SLC10A7: variants seen among roughly 807,000 people sequenced by gnomAD.
SLC10A7 encodes the protein solute carrier family 10 member 7.
A neutral mutation model predicts 43.2 loss-of-function variants in SLC10A7; 29 were observed. The observed-to-expected ratio is 0.67, with a 90% CI of 0.50 to 0.92. SLC10A7 has a LOEUF of 0.92. SLC10A7 is among the 40% of genes least tolerant of loss of function. SLC10A7 has a pLI of 0.00. For synonymous variants in SLC10A7, 152 were observed against 144.8 expected, an observed-to-expected ratio of 1.05 and a Z score of -0.35; for missense variants, 295 against 403.2, an observed-to-expected ratio of 0.73 and a Z score of 2.30.
chr4:146,476,473 T>C (rs1181750176), intron 4 of SLC10A7, among the ~76,000 whole-genome samples: 1 of 152,004 alleles, frequency 6.6e-6, no homozygotes, highest in East Asian at 1.9e-4. Context: ...CAAATGCCCG[T>C]TTAAATTGTG....
At chr4:146,348,736 G>C (rs1378584443) in intron 5 of SLC10A7, among the ~76,000 whole-genome samples, 2 of 151,918 alleles carry the variant, frequency 1.3e-5, no homozygotes, top group Admixed American at 1.3e-4. Flanking sequence ...ACACTTTCTG[G>C]GTAGAATTTT....
intron 10 of SLC10A7, among the ~76,000 whole-genome samples, chr4:146,264,304 T>C (rs887604132): frequency 6.6e-6 from 1 of 152,226 alleles, no homozygotes; most frequent in Admixed American, 6.5e-5. Context: ...CAGTTTTTTA[T>C]TTTTCCTTGA....
At chr4:146,276,876 C>T (rs147232402) in intron 10 of SLC10A7, among the ~76,000 whole-genome samples, 132 of 152,150 alleles carry the variant, frequency 8.7e-4, no homozygotes, top group African/African-American at 2.9e-3. Flanking sequence ...ATGGTTGGAG[C>T]CCAGGAGTTG....
At chr4:146,432,488 C>T (rs1379557951) in intron 5 of SLC10A7, among the ~76,000 whole-genome samples, 2 of 151,982 alleles carry the variant, frequency 1.3e-5, no homozygotes, top group South Asian at 4.2e-4. Context: ...TGATAGACAC[C>T]GTACTCAAAA....
intron 10 of SLC10A7, among the ~76,000 whole-genome samples, chr4:146,261,956 T>TTCTA (rs1362458518): frequency 1.3e-5 from 2 of 152,214 alleles, no homozygotes; most frequent in Non-Finnish European, 2.9e-5. Flanking sequence ...TTTCAGACAA[T>TTCTA]GCATGTCTGA....
At chr4:146,447,835 AAATT>A (rs1204010620) in intron 4 of SLC10A7, among the ~76,000 whole-genome samples, 2 of 152,238 alleles carry the variant, frequency 1.3e-5, no homozygotes, top group East Asian at 3.9e-4. Flanking sequence ...TGTCTTTATT[AAATT>A]ATTTTGGAAA....
chr4:146,316,790 C>A (rs1372835899), intron 6 of SLC10A7, among the ~76,000 whole-genome samples: 2 of 152,004 alleles, frequency 1.3e-5, no homozygotes, highest in African/African-American at 4.8e-5. Context: ...TAGGACTCAG[C>A]CCGTGATTAA....
At chr4:146,272,488 C>T (rs1037596624) in intron 10 of SLC10A7, among the ~76,000 whole-genome samples, 1 of 152,092 alleles carries the variant, frequency 6.6e-6, no homozygotes, top group Non-Finnish European at 1.5e-5. Flanking sequence ...GAAACTGTTA[C>T]CCTTGCTTTG....
chr4:146,341,625 T>C (rs1734269150), intron 5 of SLC10A7, among the ~76,000 whole-genome samples: 1 of 151,782 alleles, frequency 6.6e-6, no homozygotes, highest in Non-Finnish European at 1.5e-5. Flanking sequence ...TCAATGCTAA[T>C]TTACTGAGCA....
intron 5 of SLC10A7, among the ~76,000 whole-genome samples, chr4:146,433,336 T>C (rs34055270): frequency 0.52 from 78,274 of 150,646 alleles, 20,844 homozygotes; most frequent in East Asian, 0.64. Context: ...ACATATTCTC[T>C]GGCTCTTTGA....
intron 5 of SLC10A7, among the ~76,000 whole-genome samples, chr4:146,418,307 C>T (rs1728719345): frequency 6.6e-6 from 1 of 152,144 alleles, no homozygotes; most frequent in South Asian, 2.1e-4. Context: ...TATAGCTCCA[C>T]TTTTGATACA....
chr4:146,397,554 C>T (rs558344482), intron 5 of SLC10A7, among the ~76,000 whole-genome samples: 1 of 152,234 alleles, frequency 6.6e-6, no homozygotes, highest in Non-Finnish European at 1.5e-5. Context: ...GGATTTTTAG[C>T]AGTTGGGGAG....
chr4:146,463,013 G>C (rs534803513), intron 4 of SLC10A7, among the ~76,000 whole-genome samples: 3 of 152,160 alleles, frequency 2.0e-5, no homozygotes, highest in African/African-American at 7.2e-5. Flanking sequence ...CCTTCTACAG[G>C]CACCATTTAT....
At chr4:146,483,827 T>C (rs896908828) in intron 4 of SLC10A7, among the ~76,000 whole-genome samples, 3 of 152,148 alleles carry the variant, frequency 2.0e-5, no homozygotes, top group African/African-American at 7.2e-5. Flanking sequence ...GCTATACTTA[T>C]GTACTTATAT....
chr4:146,320,557 T>C (rs1203270141), intron 6 of SLC10A7, among the ~76,000 whole-genome samples: 3 of 152,028 alleles, frequency 2.0e-5, no homozygotes, highest in Admixed American at 1.3e-4. Context: ...GATGCAGTTA[T>C]GGGCAATAAC....
intron 5 of SLC10A7, among the ~76,000 whole-genome samples, chr4:146,367,660 T>C (rs957270600): frequency 2.0e-5 from 3 of 152,176 alleles, no homozygotes; most frequent in African/African-American, 7.2e-5. Flanking sequence ...ATATAAATTG[T>C]GAGATCTCCC....
intron 6 of SLC10A7, among the ~76,000 whole-genome samples, chr4:146,324,491 T>C (rs1004866646): frequency 2.0e-5 from 3 of 152,184 alleles, no homozygotes; most frequent in Non-Finnish European, 4.4e-5. Flanking sequence ...CCCGCTCTTC[T>C]TAAATGAGTT....
chr4:146,385,415 A>T (rs1737920887), intron 5 of SLC10A7, among the ~76,000 whole-genome samples: 2 of 152,042 alleles, frequency 1.3e-5, no homozygotes, highest in African/African-American at 4.8e-5. Context: ...CTTTAACTTA[A>T]ATTTCTCTAA....
At chr4:146,265,171 T>A (rs1728476565) in intron 10 of SLC10A7, among the ~76,000 whole-genome samples, 1 of 152,228 alleles carries the variant, frequency 6.6e-6, no homozygotes, top group Admixed American at 6.5e-5. Context: ...ATCTAGGAAG[T>A]AGGTGGCAAT....
Sources: allele counts gnomAD v4.1 joint callset (sites outside exome capture counted in the v4.1 genomes callset), GRCh38; gene constraint gnomAD v4.1.1; transcripts MANE v1.5; gene names NCBI Gene and HGNC (gene_info 2026-07-23, HGNC 2026-07-21).